Variants in NLRP10 observed in about 807,000 individuals in gnomAD.
NLRP10 encodes the protein NACHT, LRR and PYD domains-containing protein 10.
A neutral mutation model predicts 8.2 loss-of-function variants in NLRP10; 7 were observed. That is an observed-to-expected ratio of 0.85 (90% CI 0.48 to 1.60). The LOEUF (loss-of-function observed/expected upper bound fraction) is 1.60. Among genes scored for constraint, NLRP10 ranks in the 40% most tolerant of loss-of-function variants. The pLI is 0.00. For synonymous variants in NLRP10, 338 were observed against 314.0 expected (o/e 1.08, Z -0.81); for missense variants, 814 against 776.3 (o/e 1.05, Z -0.58).
chr11:7,963,057 G>A (rs1436271531), intron 2 of NLRP10, 150 bp downstream of exon 2: 3 of 707,886 alleles, frequency 4.2e-6, no homozygotes, highest in Admixed American at 5.8e-5. Flanking sequence ...ACCCTCAGGT[G>A]GAGACCACCA....
At position 7,963,223 on chromosome 11, in the gene NLRP10, G is replaced by T. The variant is rs758258210; in HGVS notation, c.273C>A (p.Ser91Arg). Reference protein sequence around the residue: ...MNLLELVDQLSHICLHDYREV... With the variant: ...MNLLELVDQLRHICLHDYREV... Reference sequence around the variant, plus strand: ...CACACTCACCATGCAGACAAATATGGCTGAGCTGGTCCACAAGTTCCAACA... The same window carrying T: ...CACACTCACCATGCAGACAAATATGTCTGAGCTGGTCCACAAGTTCCAACA... Residue 91 changes from serine to arginine, a missense_variant, in exon 2 of 3, where the codon AGC becomes AGA. Coordinates refer to ENST00000691676, the MANE Select transcript of NLRP10 (RefSeq NM_001391958.1). 1 of 1,614,098 alleles carries T rather than the reference G, an allele frequency of 6.2e-7. No homozygotes were observed. The highest frequency in any genetic ancestry group is 8.5e-7 in the Non-Finnish European group (1 of 1,179,990).
In NLRP10 at chr11:7,960,513, G is replaced by GC. The variant is rs1309333088; in HGVS notation, c.1098dup (p.Gln367AlafsTer13). 1 of 1,614,014 alleles carries GC rather than the reference G, an allele frequency of 6.2e-7. No homozygotes were observed. The highest frequency in any genetic ancestry group is 8.5e-7 in the Non-Finnish European group (1 of 1,180,038). On this transcript the variant is annotated frameshift_variant, in exon 3 of 3. Transcript: ENST00000691676. LOFTEE classifies it low-confidence loss of function (END_TRUNC). ...AAGACAACTTTGCCTCTCTCCATCTGCCCCTGCAGCCAGGAGCAGACCACC... is the reference window on the plus strand; with the variant it reads ...AAGACAACTTTGCCTCTCTCCATCTGCCCCCTGCAGCCAGGAGCAGACCACC...
At position 7,965,254 on chromosome 11, in the gene NLRP10, A is replaced by T. The variant is rs1308617289; in HGVS notation, c.-54T>A. ...CAGTCTAGGCTGCTTACCACAGTTC[A>T]GACTTGGGGAGCTGGAGGTGAGGCA... On this transcript the variant is annotated 5_prime_UTR_variant, in exon 1 of 3. Transcript: ENST00000691676. 3 of 152,216 alleles carry T rather than the reference A, an allele frequency of 2.0e-5. No individual in the cohort carries two copies. Among genetic ancestry groups the T allele is most frequent in the Admixed American group, 2.0e-4 (3 of 15,280 alleles). 9.4% of individuals were successfully genotyped at this position (152,216 alleles called of 1,614,324 possible).
rs1195340578 is a variant in NLRP10 at position 7,959,656 on chromosome 11, A to AT, written c.1955dup (p.Asn652LysfsTer40). Reference sequence around the variant, plus strand: ...TATTTAATTAGGTTTATATGTAAGTATTTTTTGGTGTTTCCTCTGTCCCTC... The same window carrying AT: ...TATTTAATTAGGTTTATATGTAAGTATTTTTTTGGTGTTTCCTCTGTCCCTC... On this transcript the variant is annotated frameshift_variant, in exon 3 of 3. Coordinates refer to ENST00000691676, the MANE Select transcript of NLRP10 (RefSeq NM_001391958.1). LOFTEE classifies it high-confidence loss of function. 1.9e-6 allele frequency: 3 copies of AT among 1,545,742 alleles called. No homozygotes were observed. Among genetic ancestry groups the AT allele is most frequent in the East Asian group, 2.2e-5 (1 of 44,478 alleles).
rs1472717682 is a variant in NLRP10, at chr11:7,961,329, C to T, written c.290-7G>A. 6.6e-7 allele frequency: 1 copy of T among 1,523,514 alleles called. No homozygotes were observed. Among genetic ancestry groups the T allele is most frequent in the Non-Finnish European group, 8.9e-7 (1 of 1,128,342 alleles). 94.4% of individuals were successfully genotyped at this position (1,523,514 alleles called of 1,614,324 possible). A position where few individuals can be genotyped will look rare whatever the true frequency, so the allele number is the denominator to read the frequency against. On this transcript the variant is annotated splice_region_variant and splice_polypyrimidine_tract_variant and intron_variant, in intron 2 of 2. Transcript: ENST00000691676. ...CGGTATACTTCTCTGTAATCTGAGCCAAACAAATGGGATGTTAGGTAGTGA... is the reference window on the plus strand; with the variant it reads ...CGGTATACTTCTCTGTAATCTGAGCTAAACAAATGGGATGTTAGGTAGTGA...
At position 7,959,809 on chromosome 11, in the gene NLRP10, T is replaced by C. The variant is rs757407900; in HGVS notation, c.1803A>G (p.Leu601=). Residue 601 remains leucine (L), a synonymous_variant, in exon 3 of 3, where the codon TTA becomes TTG. Transcript: ENST00000691676. ...SNEKKSQSQN[L]FSVKSSLSHG... ...GACTCAAGCTGCTTTTGACAGAAAA[T>C]AAATTCTGGCTCTGTGATTTCTTTT... The C allele has an allele frequency of 4.3e-6, 7 of 1,614,054 alleles. No homozygotes were observed. The highest frequency in any genetic ancestry group is 5.9e-6 in the Non-Finnish European group (7 of 1,179,978).
rs148036765 is a variant in NLRP10 at position 7,963,581 on chromosome 11, C to A, written c.-45-41G>T. ...AAAGGAGAGGTCCACTGCTGAGAGG[C>A]CCACCCTGCTTTCTGGGGGCTTGGC... On this transcript the variant is annotated intron_variant, in intron 1 of 2. Transcript: ENST00000691676. 5.2e-4 allele frequency: 657 copies of A among 1,272,370 alleles called. 4 individuals carry two copies. In the African/African-American group the frequency reaches 9.0e-3, roughly 17 times the overall value. The allele number at this position is 1,272,370 out of a possible 1,614,324, so 78.8% of individuals were successfully genotyped here.
At position 7,963,415 on chromosome 11, in the gene NLRP10, C is replaced by T. The variant is rs1941767123; in HGVS notation, c.81G>A (p.Lys27=). ...LSDLEENDFK[K]LKFYLRDMTL... ...TCATATCCCGTAAGTAGAACTTTAA[C>T]TTCTTGAAATCGTTCTCCTCAAGGT... The change falls in exon 2 of 3, where the codon AAG becomes AAA. Residue 27 remains lysine (K), a synonymous_variant. Transcript: ENST00000691676. 2 of 1,614,212 alleles carry T rather than the reference C, an allele frequency of 1.2e-6. No homozygotes were observed. Among genetic ancestry groups the T allele is most frequent in the Non-Finnish European group, 1.7e-6 (2 of 1,180,034 alleles).
At position 7,959,429 on chromosome 11, in the gene NLRP10, C is replaced by A; in HGVS notation, c.*215G>T. ...TGCCTTTGCACATAAACATTAGAAT[C>A]ATCTTATCAATGTCCACAAAGTTAT... On this transcript the variant is annotated 3_prime_UTR_variant, in exon 3 of 3. Coordinates refer to ENST00000691676, the MANE Select transcript of NLRP10 (RefSeq NM_001391958.1). The A allele has an allele frequency of 2.1e-6, 1 of 475,430 alleles. No individual in the cohort carries two copies. Among genetic ancestry groups the A allele is most frequent in the Non-Finnish European group, 3.7e-6 (1 of 273,720 alleles). 29.5% of individuals were successfully genotyped at this position (475,430 alleles called of 1,614,324 possible).
rs773149105 is a variant in NLRP10, at chr11:7,963,321, C to A, written c.175G>T (p.Glu59Ter). 5.6e-6 allele frequency: 9 copies of A among 1,614,118 alleles called. No homozygotes were observed. Among genetic ancestry groups the A allele is most frequent in the Admixed American group, 3.3e-5 (2 of 60,008 alleles). ...TCTCCATACTTTGAAATCAGTAATT[C>A]TGCCAGGTCCACCGGAATCAGGCCC... ...LEGLIPVDLAELLISKYGEKE... is the reference protein window; with the variant it reads ...LEGLIPVDLA Residue 59 changes from glutamate (E) to a stop codon, truncating the protein, a stop_gained, in exon 2 of 3, where the codon GAA becomes TAA. Transcript: ENST00000691676. LOFTEE classifies it high-confidence loss of function.
At position 7,961,257 on chromosome 11, in the gene NLRP10, C is replaced by T; in HGVS notation, c.355G>A (p.Gly119Ser). ...LEEWQEAGVN[G>S]RYNQVLLVAK... is the part of the protein sequence containing the mutation. ...ACCAGGAGCACCTGGTTGTATCTGC[C>T]ATTGACTCCTGCTTCCTGCCATTCC... Residue 119 changes from glycine (G) to serine (S), a missense_variant, in exon 3 of 3, where the codon GGC becomes AGC. Coordinates refer to ENST00000691676, the MANE Select transcript of NLRP10 (RefSeq NM_001391958.1). The T allele has an allele frequency of 3.7e-6, 6 of 1,611,334 alleles. No individual in the cohort carries two copies. The highest frequency in any genetic ancestry group is 5.1e-6 in the Non-Finnish European group (6 of 1,178,342).
Position 7,957,589 on chromosome 11 carries a change from CT to C in NLRP10, c.*2054del, listed in dbSNP as rs1941639699. On this transcript the variant is annotated 3_prime_UTR_variant, in exon 3 of 3. Coordinates refer to ENST00000691676, the MANE Select transcript of NLRP10 (RefSeq NM_001391958.1). ...TTAAACTAATTATACTTCAATAAAA[CT>C]TTTTTTAAATACAGAAAGTTCCTAT... Among the ~76,000 whole-genome samples, 1 of 152,018 alleles carries C rather than the reference CT, an allele frequency of 6.6e-6. No individual in the cohort carries two copies. The highest frequency in any genetic ancestry group is 2.4e-5 in the African/African-American group (1 of 41,398).
intron 2 of NLRP10, among the ~76,000 whole-genome samples, chr11:7,962,079 G>A (rs1235351224): frequency 6.6e-6 from 1 of 152,008 alleles, no homozygotes; most frequent in African/African-American, 2.4e-5. Flanking sequence ...ATAACTGAAA[G>A]CTGCCTGAGG....
In NLRP10 at chr11:7,961,239, G is replaced by C; in HGVS notation, c.373C>G (p.Leu125Val). ...TCTGAGCTGGGCTTGGCCACCAGGA[G>C]CACCTGGTTGTATCTGCCATTGACT... The part of the protein sequence containing the change: ...AGVNGRYNQV[L>V]LVAKPSSESP... The change falls in exon 3 of 3, where the codon CTC becomes GTC. Residue 125 changes from leucine to valine, a missense_variant. By Grantham distance (32) the Leu-to-Val change is conservative (BLOSUM62 1). Transcript: ENST00000691676. The C allele has an allele frequency of 6.2e-7, 1 of 1,613,194 alleles. No homozygotes were observed. The highest frequency in any genetic ancestry group is 1.7e-5 in the Admixed American group (1 of 59,950).
Position 7,964,528 on chromosome 11 carries a change from G to C in NLRP10, c.-46+718C>G, listed in dbSNP as rs187593815. Among the ~76,000 whole-genome samples, 567 of 152,342 alleles carry C rather than the reference G, an allele frequency of 3.7e-3. 5 individuals carry two copies. Among genetic ancestry groups the C allele is most frequent in the African/African-American group, 0.013 (532 of 41,574 alleles). ...CATCTCAGAAATCGTCTCAGGAACT[G>C]TTCCACATGAGAAATTTGGCAGTCA... is the stretch of plus-strand genomic sequence containing the variant. On this transcript the variant is annotated intron_variant, in intron 1 of 2. Transcript: ENST00000691676.
chr11:7,964,565 T>G (rs1302327293), intron 1 of NLRP10, among the ~76,000 whole-genome samples: 2 of 152,108 alleles, frequency 1.3e-5, no homozygotes, highest in African/African-American at 4.8e-5. Context: ...AGAAAAATGG[T>G]TTTTCAGAGT....
Position 7,960,607 on chromosome 11 carries a change from G to T in NLRP10, c.1005C>A (p.Asp335Glu). The change falls in exon 3 of 3, where the codon GAC (aspartate) becomes GAA (glutamate). Residue 335 changes from aspartate to glutamate, a missense_variant. Asp to Glu is a conservative substitution (Grantham distance 45, BLOSUM62 2). Transcript: ENST00000691676. Reference sequence around the variant, plus strand: ...TTTTCTGTACAATGTCGAAGGCACGGTCAGCTTGCTTCTCATCCGTGAAAT... The same window carrying T: ...TTTTCTGTACAATGTCGAAGGCACGTTCAGCTTGCTTCTCATCCGTGAAAT... The part of the protein sequence containing the change: ...SSYFTDEKQA[D>E]RAFDIVQKND... The T allele has an allele frequency of 6.2e-7, 1 of 1,614,166 alleles. No homozygotes were observed. The highest frequency in any genetic ancestry group is 8.5e-7 in the Non-Finnish European group (1 of 1,180,016).
chr11:7,963,712 C>T (rs1589894694), intron 1 of NLRP10, 172 bp from the exon 2 acceptor site: 1 of 575,972 alleles, frequency 1.7e-6, no homozygotes, highest in Admixed American at 3.1e-5. Flanking sequence ...TCCCCTCTGC[C>T]TCTTAGTCAG....
In NLRP10 at chr11:7,960,401, A is replaced by C. The variant is rs759478163; in HGVS notation, c.1211T>G (p.Leu404Arg). 5 of 1,613,914 alleles carry C rather than the reference A, an allele frequency of 3.1e-6. No individual in the cohort carries two copies. Among genetic ancestry groups the C allele is most frequent in the Admixed American group, 1.7e-5 (1 of 60,002 alleles). The change falls in exon 3 of 3, where the codon CTT becomes CGT. Residue 404 changes from leucine to arginine, a missense_variant. By Grantham distance (102) the Leu-to-Arg change is moderately radical. Transcript: ENST00000691676. ...PPDDDGGCSE[L>R]SRHRVLRSLC... ...ACTCCTCAGGACCCTGTGCCGGGAAAGCTCGGAGCAGCCCCCATCATCATC... is the reference window on the plus strand; with the variant it reads ...ACTCCTCAGGACCCTGTGCCGGGAACGCTCGGAGCAGCCCCCATCATCATC...
Sources: allele counts gnomAD v4.1 joint callset (sites outside exome capture counted in the v4.1 genomes callset), GRCh38; gene constraint gnomAD v4.1.1; transcripts MANE v1.5; gene names NCBI Gene and HGNC (gene_info 2026-07-23, HGNC 2026-07-21).